GARIN1A: variants seen among roughly 807,000 people sequenced by gnomAD.
GARIN1A encodes the protein Golgi-associated RAB2 interactor protein 1A.
chr7:128,675,880 G>A, the GARIN1A span: 24 of 1,507,814 alleles, frequency 1.6e-5, no homozygotes, highest in Admixed American at 1.2e-4. Context: ...GAGGGAGGGC[G>A]GGAAGGGATG....
chr7:128,678,898 G>A, the GARIN1A span, among the ~76,000 whole-genome samples: 12 of 151,394 alleles, frequency 7.9e-5, no homozygotes, highest in Middle Eastern at 3.2e-3. Flanking sequence ...TAAAGAAGTG[G>A]CATCTCTGAT....
chr7:128,672,010 T>G, the GARIN1A span, among the ~76,000 whole-genome samples: 1 of 152,170 alleles, frequency 6.6e-6, no homozygotes, highest in South Asian at 2.1e-4. Context: ...CCGAGAGCCT[T>G]CCTTGCATCT....
the GARIN1A span, among the ~76,000 whole-genome samples, chr7:128,697,186 G>T: frequency 1.3e-5 from 2 of 152,192 alleles, no homozygotes; most frequent in Non-Finnish European, 2.9e-5. Flanking sequence ...GGAGGGAAGG[G>T]TAAAGCCAGC....
At chr7:128,673,281 G>A in the GARIN1A span, among the ~76,000 whole-genome samples, 1 of 152,184 alleles carries the variant, frequency 6.6e-6, no homozygotes, top group Non-Finnish European at 1.5e-5. Flanking sequence ...CTGTTATTTG[G>A]TAACTGTCTA....
At chr7:128,706,245 A>T in the GARIN1A span, among the ~76,000 whole-genome samples, 1 of 152,136 alleles carries the variant, frequency 6.6e-6, no homozygotes, top group East Asian at 1.9e-4. Flanking sequence ...CCCTACTCTT[A>T]TCTTGTACTT....
At chr7:128,707,053 G>T in the GARIN1A span, among the ~76,000 whole-genome samples, 2 of 151,916 alleles carry the variant, frequency 1.3e-5, 1 homozygote, top group South Asian at 4.2e-4. Context: ...TTTTATTGAG[G>T]TATGATTGAG....
At chr7:128,694,049 A>G in the GARIN1A span, 1 of 152,200 alleles carries the variant, frequency 6.6e-6, no homozygotes, top group South Asian at 2.1e-4. Flanking sequence ...AGGTTCCTCA[A>G]TGGCAGGCCA....
the GARIN1A span, among the ~76,000 whole-genome samples, chr7:128,678,815 AG>A: frequency 0.26 from 38,591 of 148,838 alleles, 5,207 homozygotes; most frequent in East Asian, 0.53. Flanking sequence ...AAAAAAAAAA[AG>A]ATTAGTATGT....
the GARIN1A span, among the ~76,000 whole-genome samples, chr7:128,675,488 A>G: frequency 6.6e-6 from 1 of 152,352 alleles, no homozygotes; most frequent in East Asian, 1.9e-4. Context: ...AGAATGACAC[A>G]GGGTTCCTGC....
chr7:128,697,579 C>G, the GARIN1A span: 1 of 152,906 alleles, frequency 6.5e-6, no homozygotes, highest in Non-Finnish European at 1.5e-5. Context: ...CTCCCTCTCT[C>G]TTTCCCCCTT....
chr7:128,675,851 C>T, the GARIN1A span: 1 of 1,611,712 alleles, frequency 6.2e-7, no homozygotes, highest in Non-Finnish European at 8.5e-7. Flanking sequence ...CAGTCATCAA[C>T]CTCAGCAGGT....
chr7:128,689,206 T>C, the GARIN1A span, among the ~76,000 whole-genome samples: 1 of 152,162 alleles, frequency 6.6e-6, no homozygotes, highest in Non-Finnish European at 1.5e-5. Flanking sequence ...AGATTGCAGC[T>C]TCTGCCCAGC....
At chr7:128,677,309 C>G in the GARIN1A span, among the ~76,000 whole-genome samples, 2 of 151,702 alleles carry the variant, frequency 1.3e-5, no homozygotes, top group Non-Finnish European at 2.9e-5. Context: ...AGATCGAGAC[C>G]ATCCTGGCTA....
At chr7:128,697,171 G>A in the GARIN1A span, among the ~76,000 whole-genome samples, 1 of 152,298 alleles carries the variant, frequency 6.6e-6, no homozygotes, top group Admixed American at 6.5e-5. Context: ...CTCTGAGTGG[G>A]GCTTGGAGGG....
At chr7:128,672,395 C>T in the GARIN1A span, 2 of 1,605,100 alleles carry the variant, frequency 1.2e-6, no homozygotes. Context: ...TTACCAAGAA[C>T]CAATGAGTAA....
the GARIN1A span, chr7:128,682,905 A>C: frequency 7.5e-7 from 1 of 1,340,998 alleles, no homozygotes; most frequent in Non-Finnish European, 1.0e-6. Flanking sequence ...AAATTTTAAC[A>C]ATGTTTTCTT....
At chr7:128,671,645 CA>C in the GARIN1A span, among the ~76,000 whole-genome samples, 63,834 of 120,174 alleles carry the variant, frequency 0.53, 15,310 homozygotes, top group African/African-American at 0.63. Flanking sequence ...AACTCTGTCT[CA>C]AAAAAAAAAA....
At chr7:128,689,686 C>T in the GARIN1A span, among the ~76,000 whole-genome samples, 2 of 151,842 alleles carry the variant, frequency 1.3e-5, no homozygotes, top group Admixed American at 6.6e-5. Flanking sequence ...ACAGCCGCCC[C>T]GTCTGGGAAG....
chr7:128,686,506 T>A, the GARIN1A span: 2 of 152,148 alleles, frequency 1.3e-5, no homozygotes, highest in African/African-American at 4.8e-5. Flanking sequence ...TCCAAATTAC[T>A]CTTGATGCCT....
Sources: gnomAD v4.1 joint callset for allele counts (sites outside exome capture counted in the v4.1 genomes callset) on GRCh38, gnomAD v4.1.1 for gene constraint, MANE v1.5 for transcripts, NCBI Gene and HGNC (gene_info 2026-07-23, HGNC 2026-07-21) for gene names.